The following RAD23B variants were observed in gnomAD, a reference collection of about 807,000 sequenced individuals.
RAD23B encodes lysine-specific demethylase RAD23B.
Under a neutral mutation model 49.1 loss-of-function variants are expected in RAD23B, and 5 were observed. The observed-to-expected ratio is 0.10, with a 90% CI of 0.05 to 0.21. The LOEUF (loss-of-function observed/expected upper bound fraction) is 0.21, where lower values mean the gene tolerates loss of function less well. RAD23B is among the 10% of genes least tolerant of loss of function. RAD23B has a pLI of 1.00. For synonymous variants in RAD23B, 184 were observed against 165.4 expected, an observed-to-expected ratio of 1.11 and a Z score of -0.86; for missense variants, 356 against 486.7, an observed-to-expected ratio of 0.73 and a Z score of 2.53.
rs753831088 is a variant in RAD23B at position 107,306,536 on chromosome 9, C to T, written c.386C>T (p.Ala129Val). The T allele has an allele frequency of 6.2e-7, 1 of 1,614,122 alleles. No homozygotes were observed. The highest frequency in any genetic ancestry group is 1.1e-5 in the South Asian group (1 of 91,074). The change falls in exon 4 of 10, where the codon GCA (alanine) becomes GTA (valine). Residue 129 changes from alanine (A) to valine (V), a missense_variant. Physicochemically the swap from Ala to Val is moderately conservative, Grantham distance 64 (BLOSUM62 0). Transcript: ENST00000358015. ...PTSTPASITP[A>V]SATASSEPAP... ...TCCACACCTGCATCCATCACTCCAG[C>T]ATCAGCGACAGCATCTTCTGAACCT... is the stretch of plus-strand genomic sequence containing the variant.
intron 3 of RAD23B, among the ~76,000 whole-genome samples, chr9:107,303,537 A>G (rs1826702128): frequency 6.6e-6 from 1 of 152,228 alleles, no homozygotes; most frequent in Non-Finnish European, 1.5e-5. Flanking sequence ...AAAATATAAC[A>G]AACTTCCAGT....
chr9:107,318,955 A>G lies in RAD23B; in HGVS notation c.681+76A>G, dbSNP rs999637538. 2.8e-6 allele frequency: 4 copies of G among 1,437,938 alleles called. No individual in the cohort carries two copies. In the South Asian group the frequency reaches 3.9e-5, roughly 14 times the overall value. 89.1% of individuals were successfully genotyped at this position (1,437,938 alleles called of 1,614,324 possible). A position where few individuals can be genotyped will look rare whatever the true frequency, so the allele number is the denominator to read the frequency against. ...TCAAAGAAACAGATTTTAAAGGACC[A>G]GTTCACTTGTCACTGATATATGCTA... On this transcript the variant is annotated intron_variant, in intron 6 of 9. Transcript: ENST00000358015. This position sits in a 1 kb window ranked among gnomAD's most constrained non-coding sequence, Gnocchi z 4.3.
At chr9:107,314,376 CTG>C (rs1336508307) in intron 5 of RAD23B, among the ~76,000 whole-genome samples, 1 of 152,284 alleles carries the variant, frequency 6.6e-6, no homozygotes, top group East Asian at 1.9e-4. Flanking sequence ...TTTCCAGTGT[CTG>C]TTATTCCACT....
At chr9:107,305,027 G>A (rs1470548641) in intron 3 of RAD23B, among the ~76,000 whole-genome samples, 1 of 152,176 alleles carries the variant, frequency 6.6e-6, no homozygotes, top group East Asian at 1.9e-4. Context: ...GGTGGCTGAT[G>A]CCTGTAATCC....
At chr9:107,285,762 T>C (rs973310912) in intron 1 of RAD23B, among the ~76,000 whole-genome samples, 3 of 152,248 alleles carry the variant, frequency 2.0e-5, no homozygotes, top group South Asian at 2.1e-4. Flanking sequence ...AAAAAACTAA[T>C]ACTGTTAGTC....
chr9:107,328,489 A>G (rs1827250627), intron 9 of RAD23B, among the ~76,000 whole-genome samples: 1 of 152,180 alleles, frequency 6.6e-6, no homozygotes, highest in Admixed American at 6.5e-5. Flanking sequence ...CATACGGAGC[A>G]CAGACCCTAG....
Position 107,311,689 on chromosome 9 carries a change from G to A in RAD23B, c.505G>A (p.Gly169Ser). The A allele has an allele frequency of 5.1e-6, 8 of 1,568,514 alleles. No individual in the cohort carries two copies. The highest frequency in any genetic ancestry group is 6.9e-6 in the Non-Finnish European group (8 of 1,164,754). ...TCTAAAATCCTTTTGTAGTACATCG[G>A]GTGATTCTTCTCGGTCAAACCTTTT... ...TSPTATDSTS[G>S]DSSRSNLFED... is the part of the protein sequence containing the mutation. The change falls in exon 5 of 10, where the codon GGT becomes AGT. Residue 169 changes from glycine (G) to serine (S), a missense_variant. Around this residue, in one of 5 missense-constraint regions of RAD23B, gnomAD observed 137 missense variants for 122.0 expected, o/e 1.12. Coordinates refer to ENST00000358015, the MANE Select transcript of RAD23B (RefSeq NM_002874.5).
At chr9:107,308,943 G>T (rs1485526314) in intron 4 of RAD23B, among the ~76,000 whole-genome samples, 1 of 152,170 alleles carries the variant, frequency 6.6e-6, no homozygotes, top group Admixed American at 6.5e-5. Flanking sequence ...TTTGTTATTA[G>T]GGATTTGTTT....
rs115508333 is a variant in RAD23B at position 107,290,339 on chromosome 9, C to T, written c.66+6644C>T. On this transcript the variant is annotated intron_variant, in intron 1 of 9. Coordinates refer to ENST00000358015, the MANE Select transcript of RAD23B (RefSeq NM_002874.5). ...ACTCCATCAGATCTTTTCTCTTCAT[C>T]ACTGATTTTTCCCATTTCTAGGGTA... 2.7e-3 allele frequency among the ~76,000 whole-genome samples: 404 copies of T among 152,290 alleles called. 4 individuals carry two copies. The highest frequency in any genetic ancestry group is 9.4e-3 in the African/African-American group (389 of 41,560).
intron 1 of RAD23B, among the ~76,000 whole-genome samples, chr9:107,294,899 T>G (rs1196650272): frequency 6.6e-6 from 1 of 151,974 alleles, no homozygotes; most frequent in Non-Finnish European, 1.5e-5. Context: ...AATGGAGAGA[T>G]AGGAAAACCA....
rs1261873300 is a variant in RAD23B, at chr9:107,331,977, G to A, written c.*2321G>A. On this transcript the variant is annotated 3_prime_UTR_variant, in exon 10 of 10. Coordinates refer to ENST00000358015, the MANE Select transcript of RAD23B (RefSeq NM_002874.5). ...TATTTGACTTTGGAATTTTGCATTC[G>A]AGGTATACTGTCATTTCTTGAAATC... The A allele has an allele frequency of 4.9e-6, 2 of 410,944 alleles. No homozygotes were observed. The highest frequency in any genetic ancestry group is 4.2e-5 in the Admixed American group (1 of 23,640). 25.5% of individuals were successfully genotyped at this position (410,944 alleles called of 1,614,324 possible).
intron 5 of RAD23B, among the ~76,000 whole-genome samples, chr9:107,316,257 C>T (rs113343800): frequency 0.059 from 9,006 of 151,964 alleles, 384 homozygotes; most frequent in South Asian, 0.12. Flanking sequence ...GTGATCTGCC[C>T]GCCTCGGCCT....
rs1827282797 is a variant in RAD23B, at chr9:107,330,209, A to G, written c.*553A>G. On this transcript the variant is annotated 3_prime_UTR_variant, in exon 10 of 10. Coordinates refer to ENST00000358015, the MANE Select transcript of RAD23B (RefSeq NM_002874.5). This position sits in a 1 kb window ranked among gnomAD's most constrained non-coding sequence, Gnocchi z 4.4. ...GTAAGGAAGCCCATTCTTTCATGTT[A>G]AATACTTGGGGTGGGAGGGGAGAAA... 6.6e-6 allele frequency: 1 copy of G among 152,670 alleles called. No individual in the cohort carries two copies. Among genetic ancestry groups the G allele is most frequent in the African/African-American group, 2.4e-5 (1 of 41,460 alleles). 9.5% of individuals were successfully genotyped at this position (152,670 alleles called of 1,614,324 possible). A position where few individuals can be genotyped will look rare whatever the true frequency, so the allele number is the denominator to read the frequency against.
At chr9:107,296,706 T>A (rs1227436743) in intron 1 of RAD23B, among the ~76,000 whole-genome samples, 2 of 151,656 alleles carry the variant, frequency 1.3e-5, no homozygotes, top group Non-Finnish European at 2.9e-5. Flanking sequence ...AGTTAATTTT[T>A]GTATTTTTAG....
Position 107,321,021 on chromosome 9 carries a change from G to A in RAD23B, c.682-962G>A, listed in dbSNP as rs550081157. 1.6e-4 allele frequency among the ~76,000 whole-genome samples: 25 copies of A among 152,218 alleles called. 1 individual carries two copies. The highest frequency in any genetic ancestry group is 5.8e-4 in the African/African-American group (24 of 41,544). On this transcript the variant is annotated intron_variant, in intron 6 of 9. Transcript: ENST00000358015. ...TCAAAATCTATAAGAACTTGATAAA[G>A]ACTTTTTAAAAATTTTAAATGACAA... is the stretch of plus-strand genomic sequence containing the variant.
chr9:107,313,655 A>C (rs1161101743), intron 5 of RAD23B, among the ~76,000 whole-genome samples: 1 of 152,256 alleles, frequency 6.6e-6, no homozygotes, highest in Non-Finnish European at 1.5e-5. Flanking sequence ...TCCCCAAATT[A>C]CAGCTGCAGT....
At position 107,306,444 on chromosome 9, in the gene RAD23B, A is replaced by T. The variant is rs565492473; in HGVS notation, c.294A>T (p.Ala98=). 6.2e-7 allele frequency: 1 copy of T among 1,614,188 alleles called. No individual in the cohort carries two copies. Among genetic ancestry groups the T allele is most frequent in the Non-Finnish European group, 8.5e-7 (1 of 1,180,030 alleles). Reference sequence around the variant, plus strand: ...AGTCAGCTCCTGCCAGCACTACAGCAGTTACTTCCTCCACCACCACAACTG... The same window carrying T: ...AGTCAGCTCCTGCCAGCACTACAGCTGTTACTTCCTCCACCACCACAACTG... ...TQQSAPASTT[A]VTSSTTTTVA... The change falls in exon 4 of 10, where the codon GCA becomes GCT. Residue 98 remains alanine, a synonymous_variant. Coordinates refer to ENST00000358015, the MANE Select transcript of RAD23B (RefSeq NM_002874.5).
At chr9:107,310,165 G>A (rs1029712586) in intron 4 of RAD23B, among the ~76,000 whole-genome samples, 1 of 152,032 alleles carries the variant, frequency 6.6e-6, no homozygotes, top group African/African-American at 2.4e-5. Flanking sequence ...ATGCTATTGA[G>A]ATCTCACCAT....
Position 107,318,850 on chromosome 9 carries a change from C to G in RAD23B, c.652C>G (p.Pro218Ala). Residue 218 changes from proline to alanine, a missense_variant, in exon 6 of 10, where the codon CCT (proline) becomes GCT (alanine). Physicochemically the swap from Pro to Ala is conservative, Grantham distance 27. Around this residue, in one of 5 missense-constraint regions of RAD23B, gnomAD observed 148 missense variants for 231.7 expected, o/e 0.64. Transcript: ENST00000358015. This position sits in a 1 kb window ranked among gnomAD's most constrained non-coding sequence, Gnocchi z 4.3. ...IAALRASFNN[P>A]DRAVEYLLMG... ...AGCCCTGAGAGCCAGTTTCAACAAC[C>G]CTGACAGAGCAGTGGAGTATCTTTT... 1.9e-6 allele frequency: 3 copies of G among 1,613,582 alleles called. No individual in the cohort carries two copies. Among genetic ancestry groups the G allele is most frequent in the Non-Finnish European group, 2.5e-6 (3 of 1,179,606 alleles).
Sources: gnomAD v4.1 joint callset for allele counts (sites outside exome capture counted in the v4.1 genomes callset) on GRCh38, gnomAD v4.1.1 for gene constraint, gnomAD v4.1.1 regional missense constraint, Gnocchi (gnomAD v3.1) non-coding constraint, MANE v1.5 for transcripts, NCBI Gene and HGNC (gene_info 2026-07-23, HGNC 2026-07-21) for gene names.